ARHGEF6: variants seen among roughly 807,000 people sequenced by gnomAD.
The protein encoded by ARHGEF6 is rho guanine nucleotide exchange factor 6.
In ARHGEF6, 9 loss-of-function variants were observed where a neutral mutation model predicts 70.3. The observed-to-expected ratio is 0.13, with a 90% confidence interval of 0.08 to 0.22. ARHGEF6 has a LOEUF of 0.22. ARHGEF6 is among the 10% of genes least tolerant of loss of function. ARHGEF6 has a pLI of 1.00. For missense variants in ARHGEF6, 470 were observed against 563.0 expected (o/e 0.83, Z 1.67); for synonymous variants, 201 against 207.8 (o/e 0.97, Z 0.28).
intron 9 of ARHGEF6, among the ~76,000 whole-genome samples, chrX:136,697,172 G>T (rs1266729177): frequency 9.0e-6 from 1 of 111,672 alleles, no homozygotes; most frequent in African/African-American, 3.3e-5. Context: ...GAACAGAAGA[G>T]TTCTGAAGCT....
intron 10 of ARHGEF6, 113 bp from the exon 11 acceptor site, chrX:136,688,104 G>T (rs143488749): frequency 0.016 from 9,097 of 572,345 alleles, 80 homozygotes; most frequent in Middle Eastern, 0.028. Context: ...AATTTTGGGG[G>T]ATGATGGAAC....
At chrX:136,681,774 C>T (rs1185250517) in intron 14 of ARHGEF6, 116 bp downstream of exon 14, 9 of 606,335 alleles carry the variant, frequency 1.5e-5, no homozygotes, top group Admixed American at 2.5e-5. Context: ...TTGCCATGCC[C>T]GCATAAAATT....
chrX:136,752,765 A>G (rs1003965728), intron 2 of ARHGEF6, among the ~76,000 whole-genome samples: 2 of 112,516 alleles, frequency 1.8e-5, no homozygotes, highest in African/African-American at 6.5e-5. Flanking sequence ...TTATATTTCA[A>G]GCCTGTTTTT....
chrX:136,716,236 C>T (rs762767348), intron 6 of ARHGEF6, among the ~76,000 whole-genome samples: 1 of 112,739 alleles, frequency 8.9e-6, no homozygotes, highest in Non-Finnish European at 1.9e-5. Context: ...CCACTGCGCC[C>T]GGCCTGAGCA....
intron 9 of ARHGEF6, among the ~76,000 whole-genome samples, chrX:136,706,002 T>G (rs780856760): frequency 8.9e-5 from 10 of 112,353 alleles, no homozygotes; most frequent in African/African-American, 3.2e-4. Flanking sequence ...ATGTCCATTC[T>G]GCATCTTAGT....
intron 16 of ARHGEF6, 68 bp from the exon 17 acceptor site, chrX:136,678,024 C>T: frequency 1.1e-6 from 1 of 938,692 alleles, no homozygotes; most frequent in Non-Finnish European, 1.5e-6. Context: ...ACCAAATCCA[C>T]TTATCAATAA....
At chrX:136,740,146 C>A (rs1034416147) in intron 5 of ARHGEF6, among the ~76,000 whole-genome samples, 3 of 111,190 alleles carry the variant, frequency 2.7e-5, no homozygotes, top group Non-Finnish European at 5.7e-5. Flanking sequence ...GTAGCTAGGA[C>A]TATAGGCATG....
chrX:136,730,793 T>C (rs1199973695), intron 6 of ARHGEF6, among the ~76,000 whole-genome samples: 1 of 111,699 alleles, frequency 9.0e-6, no homozygotes, highest in Non-Finnish European at 1.9e-5. Flanking sequence ...GACCATTATA[T>C]ATATAGGATT....
At position 136,695,069 on chromosome X, in the gene ARHGEF6, T is replaced by G. The variant is rs753085302; in HGVS notation, c.1047-4321A>C. Among the ~76,000 whole-genome samples the G allele has an allele frequency of 4.5e-5, 5 of 112,206 alleles. No individual in the cohort carries two copies. The East Asian group carries it at 1.4e-3, about 31-fold the overall frequency. On this transcript the variant is annotated intron_variant, in intron 9 of 21. Transcript: ENST00000250617. The stretch of plus-strand genomic sequence containing the variant: ...CAAGGAAAGAACAGAAATCCACCAA[T>G]GTCCCTATTTCAGCTGAAATCTTCA...
chrX:136,666,032 T>G lies in ARHGEF6; in HGVS notation c.*1997A>C, dbSNP rs1450476754. 8.9e-6 allele frequency: 1 copy of G among 112,871 alleles called. No individual in the cohort carries two copies. The highest frequency in any genetic ancestry group is 9.3e-5 in the Admixed American group (1 of 10,735). 9.3% of individuals were successfully genotyped at this position (112,871 alleles called of 1,213,427 possible). A position where few individuals can be genotyped will look rare whatever the true frequency, so the allele number is the denominator to read the frequency against. ...ATTGACTAACCACAGAATGGGCAGATGTGAAGATCTGTGTTGATGTTGTTG... is the reference window on the plus strand; with the variant it reads ...ATTGACTAACCACAGAATGGGCAGAGGTGAAGATCTGTGTTGATGTTGTTG... On this transcript the variant is annotated 3_prime_UTR_variant, in exon 22 of 22. Coordinates refer to ENST00000250617, the MANE Select transcript of ARHGEF6 (RefSeq NM_004840.3).
chrX:136,742,805 C>T (rs776759682), intron 5 of ARHGEF6, among the ~76,000 whole-genome samples: 6 of 110,671 alleles, frequency 5.4e-5, no homozygotes, highest in African/African-American at 1.6e-4. Context: ...GCAGATCCGT[C>T]TCTACAAAAA....
At chrX:136,690,839 T>C (rs1196299824) in intron 9 of ARHGEF6, 91 bp from the exon 10 acceptor site, 2 of 1,007,668 alleles carry the variant, frequency 2.0e-6, no homozygotes, top group Non-Finnish European at 1.4e-6. Flanking sequence ...TTTCACACAA[T>C]ATAAAGCCAA....
chrX:136,753,034 T>A (rs1395786449), intron 2 of ARHGEF6, among the ~76,000 whole-genome samples: 3 of 112,052 alleles, frequency 2.7e-5, no homozygotes, highest in Non-Finnish European at 5.6e-5. Context: ...ATCTGGGATG[T>A]GTGCACATAG....
intron 2 of ARHGEF6, among the ~76,000 whole-genome samples, chrX:136,761,053 G>A (rs1171221844): frequency 1.8e-5 from 2 of 112,113 alleles, no homozygotes; most frequent in East Asian, 5.5e-4. Flanking sequence ...ACACAAAATG[G>A]TAGCTCAAGA....
At chrX:136,740,256 G>A (rs866446695) in intron 5 of ARHGEF6, among the ~76,000 whole-genome samples, 32 of 111,140 alleles carry the variant, frequency 2.9e-4, no homozygotes, top group South Asian at 2.3e-3. Flanking sequence ...TGATCCGCCC[G>A]CCTCAGCCTC....
chrX:136,731,444 A>T (rs149079921), intron 6 of ARHGEF6, among the ~76,000 whole-genome samples: 1,346 of 112,079 alleles, frequency 0.012, 22 homozygotes, highest in African/African-American at 0.042. Flanking sequence ...CTTGACCTTT[A>T]AATTAGTGAC....
intron 9 of ARHGEF6, among the ~76,000 whole-genome samples, chrX:136,705,412 A>G (rs2076616786): frequency 8.9e-6 from 1 of 111,781 alleles, no homozygotes; most frequent in Admixed American, 9.5e-5. Flanking sequence ...TTAAATTTGC[A>G]TTTACATTAT....
At chrX:136,739,112 T>G (rs2077017189) in intron 5 of ARHGEF6, among the ~76,000 whole-genome samples, 1 of 111,466 alleles carries the variant, frequency 9.0e-6, no homozygotes, top group African/African-American at 3.3e-5. Context: ...AAGGTCCCAT[T>G]CCTTATCATC....
chrX:136,767,731 G>C (rs111258557), intron 2 of ARHGEF6: 46,221 of 753,473 alleles, frequency 0.061, 1,131 homozygotes, highest in Admixed American at 0.068. Flanking sequence ...AGCCGGAGCC[G>C]AGCAGCGGAG....
Sources: gnomAD v4.1 joint callset for allele counts (sites outside exome capture counted in the v4.1 genomes callset) on GRCh38, gnomAD v4.1.1 for gene constraint, MANE v1.5 for transcripts, NCBI Gene and HGNC (gene_info 2026-07-23, HGNC 2026-07-21) for gene names.